CAMSAP2: variants seen among roughly 807,000 people sequenced by gnomAD.
CAMSAP2 encodes the protein calmodulin-regulated spectrin-associated protein 2.
CAMSAP2 carries 26 observed loss-of-function variants against 146.1 expected under a neutral mutation model. That is an observed-to-expected ratio of 0.18 (90% CI 0.13 to 0.25). The LOEUF (loss-of-function observed/expected upper bound fraction) is 0.25. CAMSAP2 is among the 10% of genes least tolerant of loss of function. The pLI is 1.00. For synonymous variants in CAMSAP2, 499 were observed against 596.6 expected (o/e 0.84, Z 2.38); for missense variants, 1,381 against 1,759.3 (o/e 0.78, Z 3.85).
At chr1:200,780,079 A>ATAT (rs771692748) in intron 2 of CAMSAP2, among the ~76,000 whole-genome samples, 12 of 152,170 alleles carry the variant, frequency 7.9e-5, no homozygotes, top group Non-Finnish European at 1.8e-4. Flanking sequence ...GAATATAAGA[A>ATAT]TATTATTCAA....
chr1:200,834,520 A>ACAT (rs1286064552), intron 6 of CAMSAP2, among the ~76,000 whole-genome samples: 1 of 152,214 alleles, frequency 6.6e-6, no homozygotes, highest in Non-Finnish European at 1.5e-5. Flanking sequence ...TAGTAATGTT[A>ACAT]GTGTTGTACT....
At chr1:200,791,141 G>A (rs1041500932) in intron 2 of CAMSAP2, among the ~76,000 whole-genome samples, 3 of 152,110 alleles carry the variant, frequency 2.0e-5, no homozygotes, top group Non-Finnish European at 4.4e-5. Flanking sequence ...CACTGCATCC[G>A]GCCTTTACCT....
At chr1:200,833,468 G>C (rs190535902) in intron 6 of CAMSAP2, among the ~76,000 whole-genome samples, 119 of 152,128 alleles carry the variant, frequency 7.8e-4, no homozygotes, top group African/African-American at 2.7e-3. Context: ...GCTGAGGTAG[G>C]AGGATTGCTT....
At chr1:200,768,482 C>G (rs996837209) in intron 2 of CAMSAP2, among the ~76,000 whole-genome samples, 6 of 152,016 alleles carry the variant, frequency 3.9e-5, no homozygotes, top group Non-Finnish European at 8.8e-5. Context: ...TGATGGGAAC[C>G]CTAGTGTAGG....
intron 4 of CAMSAP2, among the ~76,000 whole-genome samples, chr1:200,825,871 G>A (rs1237637277): frequency 6.6e-6 from 1 of 152,174 alleles, no homozygotes; most frequent in Admixed American, 6.5e-5. Context: ...CTTCAACTAT[G>A]TACCTATGTG....
chr1:200,761,430 T>C (rs1664798247), intron 2 of CAMSAP2, among the ~76,000 whole-genome samples: 1 of 152,048 alleles, frequency 6.6e-6, no homozygotes, highest in Admixed American at 6.6e-5. Flanking sequence ...AGGAAAGAGT[T>C]GAGATTAATA....
chr1:200,859,688 G>A lies in CAMSAP2; in HGVS notation c.*1629G>A, dbSNP rs185266874. 2 of 152,160 alleles carry A rather than the reference G, an allele frequency of 1.3e-5. No homozygotes were observed. The highest frequency in any genetic ancestry group is 1.3e-4 in the Admixed American group (2 of 15,264). The allele number at this position is 152,160 out of a possible 1,614,324, so 9.4% of individuals were successfully genotyped here. On this transcript the variant is annotated 3_prime_UTR_variant, in exon 17 of 17. Coordinates refer to ENST00000358823, the MANE Select transcript of CAMSAP2 (RefSeq NM_203459.4). ...CTACTGTTTGCATGTAAGAGACCAGGATATGTAACTCTTATATTTTAAGTG... is the reference window on the plus strand; with the variant it reads ...CTACTGTTTGCATGTAAGAGACCAGAATATGTAACTCTTATATTTTAAGTG...
chr1:200,816,662 A>G (rs1262676277), intron 4 of CAMSAP2, among the ~76,000 whole-genome samples: 1 of 144,230 alleles, frequency 6.9e-6, no homozygotes, highest in Non-Finnish European at 1.5e-5. Flanking sequence ...GCACACACAT[A>G]CACATGTGTA....
rs1353282193 is a variant in CAMSAP2, at chr1:200,844,386, A to C, written c.1022-396A>C. On this transcript the variant is annotated intron_variant, in intron 7 of 16. Coordinates refer to ENST00000358823, the MANE Select transcript of CAMSAP2 (RefSeq NM_203459.4). The stretch of plus-strand genomic sequence containing the variant: ...AATATGGTGAAACCCTGTCTCTACT[A>C]AAAATTCAAAAATTAGCTGAGCGTG... 4.6e-5 allele frequency among the ~76,000 whole-genome samples: 7 copies of C among 151,920 alleles called. No individual in the cohort carries two copies. The East Asian group carries it at 1.4e-3, about 30-fold the overall frequency.
At position 200,849,334 on chromosome 1, in the gene CAMSAP2, T is replaced by A; in HGVS notation, c.2565T>A (p.Pro855=). Reference sequence around the variant, plus strand: ...AATGGCTAAAGTCTCCAACTACACCTATTGATCCTGAGAAGCAGTGGAACC... The same window carrying A: ...AATGGCTAAAGTCTCCAACTACACCAATTGATCCTGAGAAGCAGTGGAACC... ...QAKWLKSPTT[P]IDPEKQWNLA... The change falls in exon 11 of 17, where the codon CCT becomes CCA. Residue 855 remains proline, a synonymous_variant. Transcript: ENST00000358823. This position sits in a 1 kb window ranked among gnomAD's most constrained non-coding sequence, Gnocchi z 6.3. The A allele has an allele frequency of 6.2e-7, 1 of 1,614,082 alleles. No individual in the cohort carries two copies. The highest frequency in any genetic ancestry group is 8.5e-7 in the Non-Finnish European group (1 of 1,180,022).
At chr1:200,774,850 TTGAAAG>T (rs1269598804) in intron 2 of CAMSAP2, among the ~76,000 whole-genome samples, 1 of 152,164 alleles carries the variant, frequency 6.6e-6, no homozygotes, top group East Asian at 1.9e-4. Context: ...CTTCAGGAAT[TTGAAAG>T]TGTAGAGTCA....
At chr1:200,771,404 A>G (rs572266863) in intron 2 of CAMSAP2, among the ~76,000 whole-genome samples, 3 of 152,306 alleles carry the variant, frequency 2.0e-5, no homozygotes, top group East Asian at 3.9e-4. Context: ...ATTCATTATA[A>G]TGTTTAATAT....
At chr1:200,772,103 A>G (rs1461915023) in intron 2 of CAMSAP2, among the ~76,000 whole-genome samples, 1 of 152,182 alleles carries the variant, frequency 6.6e-6, no homozygotes, top group Non-Finnish European at 1.5e-5. Flanking sequence ...CGAGTTTTGA[A>G]ATTCTCTTAA....
At chr1:200,776,921 A>G (rs1427710816) in intron 2 of CAMSAP2, among the ~76,000 whole-genome samples, 6 of 152,172 alleles carry the variant, frequency 3.9e-5, no homozygotes. Context: ...AGGAGCTGGA[A>G]TGGGGAGGAG....
At chr1:200,746,052 G>GTCAGT (rs1281646463) in intron 1 of CAMSAP2, among the ~76,000 whole-genome samples, 1 of 152,208 alleles carries the variant, frequency 6.6e-6, no homozygotes, top group Non-Finnish European at 1.5e-5. Context: ...CCCTGAGCTA[G>GTCAGT]TCAGTTTCTG....
intron 4 of CAMSAP2, among the ~76,000 whole-genome samples, chr1:200,822,260 A>G (rs1666792541): frequency 6.6e-6 from 1 of 152,136 alleles, no homozygotes; most frequent in Non-Finnish European, 1.5e-5. Context: ...TTTCCTAAGA[A>G]CAAGGCAATT....
In CAMSAP2 at chr1:200,852,646, G is replaced by C; in HGVS notation, c.3571G>C (p.Ala1191Pro). ...TCAGCTCCGGAAACAACAGTTGGAA[G>C]CAGAAATGGAGCATAAGAAGGAGGA... ...ETQLRKQQLEAEMEHKKEETR... is the reference protein window; with the variant it reads ...ETQLRKQQLEPEMEHKKEETR... The change falls in exon 12 of 17, where the codon GCA (alanine) becomes CCA (proline). Residue 1191 changes from alanine (A) to proline (P), a missense_variant. Ala to Pro is a conservative substitution (Grantham distance 27). Coordinates refer to ENST00000358823, the MANE Select transcript of CAMSAP2 (RefSeq NM_203459.4). 1 of 1,613,732 alleles carries C rather than the reference G, an allele frequency of 6.2e-7. No homozygotes were observed. The highest frequency in any genetic ancestry group is 8.5e-7 in the Non-Finnish European group (1 of 1,179,896).
rs569430568 is a variant in CAMSAP2 at position 200,784,742 on chromosome 1, C to T, written c.400-22634C>T. ...TCCACTATGTATGTGGTCTGCTCCC[C>T]GCTTCTTATTGCACTGCCAAACACT... On this transcript the variant is annotated intron_variant, in intron 2 of 16. Transcript: ENST00000358823. 3.9e-5 allele frequency among the ~76,000 whole-genome samples: 6 copies of T among 152,254 alleles called. No homozygotes were observed. The East Asian group carries it at 5.8e-4, about 15-fold the overall frequency.
chr1:200,831,098 T>A (rs1230341362), intron 4 of CAMSAP2, among the ~76,000 whole-genome samples: 2 of 152,150 alleles, frequency 1.3e-5, no homozygotes, highest in South Asian at 4.1e-4. Context: ...CCAATTTAGA[T>A]GGAATTAGAA....
Sources: allele counts gnomAD v4.1 joint callset (sites outside exome capture counted in the v4.1 genomes callset), GRCh38; gene constraint gnomAD v4.1.1; non-coding constraint Gnocchi (gnomAD v3.1); transcripts MANE v1.5; gene names NCBI Gene and HGNC (gene_info 2026-07-23, HGNC 2026-07-21).